JAZF1: variants seen among roughly 807,000 people sequenced by gnomAD.
JAZF1 encodes the protein JAZF zinc finger 1.
JAZF1 carries 8 observed loss-of-function variants against 26.4 expected under a neutral mutation model. That is an observed-to-expected ratio of 0.30 (90% confidence interval 0.18 to 0.55). The LOEUF is 0.55. Among genes scored for constraint, JAZF1 ranks in the 20% least tolerant of loss-of-function variants. JAZF1 has a pLI of 0.94. For synonymous variants in JAZF1, 126 were observed against 122.3 expected, an observed-to-expected ratio of 1.03 and a Z score of -0.20; for missense variants, 199 against 322.0, an observed-to-expected ratio of 0.62 and a Z score of 2.92.
At chr7:28,118,814 T>G (rs1201819074) in intron 1 of JAZF1, among the ~76,000 whole-genome samples, 47 of 151,404 alleles carry the variant, frequency 3.1e-4, no homozygotes, top group Non-Finnish European at 1.2e-4. Flanking sequence ...CACAGAGTCA[T>G]GAGCAGCATA....
intron 1 of JAZF1, among the ~76,000 whole-genome samples, chr7:27,996,922 A>G (rs1176866273): frequency 2.0e-5 from 3 of 152,216 alleles, no homozygotes; most frequent in African/African-American, 7.2e-5. Context: ...GCTTTTGCTT[A>G]CAGGTAGCAG....
intron 1 of JAZF1, among the ~76,000 whole-genome samples, chr7:28,022,882 G>C (rs1378833423): frequency 2.0e-5 from 3 of 152,096 alleles, no homozygotes; most frequent in African/African-American, 7.2e-5. Flanking sequence ...TCAGCCTCCC[G>C]AGTAGCTGGG....
chr7:28,048,602 G>A (rs1783536043), intron 1 of JAZF1, among the ~76,000 whole-genome samples: 1 of 152,112 alleles, frequency 6.6e-6, no homozygotes, highest in Non-Finnish European at 1.5e-5. Context: ...CCTATATGAA[G>A]TACTCTCATT....
chr7:28,142,524 T>C (rs1030437736), intron 1 of JAZF1, among the ~76,000 whole-genome samples: 2 of 152,188 alleles, frequency 1.3e-5, no homozygotes, highest in South Asian at 2.1e-4. Flanking sequence ...GGTGACTCCA[T>C]GAGTACTTCC....
chr7:28,166,470 G>A (rs551359517), intron 1 of JAZF1, among the ~76,000 whole-genome samples: 156 of 152,162 alleles, frequency 1.0e-3, no homozygotes, highest in Middle Eastern at 6.8e-3. Flanking sequence ...TCATGTTCTC[G>A]GATTTCTTCA....
intron 2 of JAZF1, among the ~76,000 whole-genome samples, chr7:27,940,036 G>A (rs1280562485): frequency 6.6e-6 from 1 of 152,122 alleles, no homozygotes; most frequent in African/African-American, 2.4e-5. Flanking sequence ...TGTTGGCCAG[G>A]AGCCCCGGCA....
At chr7:27,850,915 AAAT>A (rs1783134972) in intron 3 of JAZF1, among the ~76,000 whole-genome samples, 1 of 152,132 alleles carries the variant, frequency 6.6e-6, no homozygotes, top group Non-Finnish European at 1.5e-5. Context: ...AGATAGTATT[AAAT>A]AATAATACAT....
At chr7:28,097,710 T>G (rs994816819) in intron 1 of JAZF1, among the ~76,000 whole-genome samples, 2 of 152,102 alleles carry the variant, frequency 1.3e-5, no homozygotes, top group Non-Finnish European at 2.9e-5. Context: ...TTCAGGTAGC[T>G]GAATGAAGGG....
chr7:27,968,138 A>T (rs1785311249), intron 2 of JAZF1, among the ~76,000 whole-genome samples: 1 of 152,258 alleles, frequency 6.6e-6, no homozygotes, highest in Admixed American at 6.5e-5. Context: ...TAACACATGC[A>T]GTAATATGGA....
At chr7:27,838,440 T>C (rs1782858869) in intron 4 of JAZF1, among the ~76,000 whole-genome samples, 1 of 151,988 alleles carries the variant, frequency 6.6e-6, no homozygotes, top group Admixed American at 6.5e-5. Flanking sequence ...TAAATGCCAA[T>C]GAAATGGTGA....
intron 1 of JAZF1, among the ~76,000 whole-genome samples, chr7:28,096,271 G>A (rs1258168081): frequency 6.6e-6 from 1 of 152,230 alleles, no homozygotes; most frequent in Non-Finnish European, 1.5e-5. Context: ...GTTCTGTGGT[G>A]AGGAAAAAAC....
At chr7:28,039,957 T>C (rs555840918) in intron 1 of JAZF1, among the ~76,000 whole-genome samples, 1 of 152,224 alleles carries the variant, frequency 6.6e-6, no homozygotes, top group Non-Finnish European at 1.5e-5. Flanking sequence ...TTTAATTTTC[T>C]CTGGCATTTT....
chr7:27,991,113 C>T lies in JAZF1; in HGVS notation c.188+796G>A, dbSNP rs138801889. ...CCAGCTTTCCACTTCAGACCCTGAA[C>T]CTCAACTCTGGTACCAAGAGACTAA... On this transcript the variant is annotated intron_variant, in intron 2 of 4. Coordinates refer to ENST00000283928, the MANE Select transcript of JAZF1 (RefSeq NM_175061.4). Among the ~76,000 whole-genome samples, 316 of 152,324 alleles carry T rather than the reference C, an allele frequency of 2.1e-3. 2 individuals are homozygous for T. Among genetic ancestry groups the T allele is most frequent in the African/African-American group, 6.9e-3 (288 of 41,582 alleles).
At position 27,839,417 on chromosome 7, in the gene JAZF1, C is replaced by T. The variant is rs533798171; in HGVS notation, c.555+1281G>A. 2.8e-3 allele frequency among the ~76,000 whole-genome samples: 423 copies of T among 152,328 alleles called. 1 individual carries two copies. The highest frequency in any genetic ancestry group is 9.8e-3 in the African/African-American group (409 of 41,566). On this transcript the variant is annotated intron_variant, in intron 4 of 4. Transcript: ENST00000283928. The stretch of plus-strand genomic sequence containing the variant: ...GAAAAAGTCTCTTTCTGCAATGAAG[C>T]GCTGCCCTCTGGAAAAATGGGCTTG...
intron 1 of JAZF1, among the ~76,000 whole-genome samples, chr7:28,153,010 G>A (rs1783133054): frequency 6.6e-6 from 1 of 152,144 alleles, no homozygotes; most frequent in African/African-American, 2.4e-5. Flanking sequence ...TTTCTAGGGA[G>A]AATTTTTAAA....
chr7:27,890,871 C>T lies in JAZF1; in HGVS notation c.385+4349G>A, dbSNP rs940691449. 2.0e-5 allele frequency among the ~76,000 whole-genome samples: 3 copies of T among 150,936 alleles called. No individual in the cohort carries two copies. In the South Asian group the frequency reaches 6.3e-4, roughly 32 times the overall value. ...GTGGTGCAATCTCGGCTCACCGCAA[C>T]CTCCACCTCCCAGGTTCAAGCAATT... On this transcript the variant is annotated intron_variant, in intron 3 of 4. Coordinates refer to ENST00000283928, the MANE Select transcript of JAZF1 (RefSeq NM_175061.4).
intron 2 of JAZF1, among the ~76,000 whole-genome samples, chr7:27,900,974 CTT>C (rs35553979): frequency 0.016 from 2,335 of 143,398 alleles, 55 homozygotes; most frequent in African/African-American, 0.055. Context: ...TGTGTAAAAA[CTT>C]TTTTTTTTTT....
chr7:28,101,786 G>A (rs1392305739), intron 1 of JAZF1, among the ~76,000 whole-genome samples: 1 of 151,926 alleles, frequency 6.6e-6, no homozygotes, highest in Admixed American at 6.6e-5. Flanking sequence ...TTAAGTGTGC[G>A]CTTGGTGTAC....
intron 1 of JAZF1, among the ~76,000 whole-genome samples, chr7:28,019,399 C>T (rs908685878): frequency 2.0e-5 from 3 of 152,126 alleles, no homozygotes; most frequent in African/African-American, 7.2e-5. Context: ...TCTCATATTC[C>T]ACCTTAGAAT....
Sources: gnomAD v4.1 joint callset for allele counts (sites outside exome capture counted in the v4.1 genomes callset) on GRCh38, gnomAD v4.1.1 for gene constraint, MANE v1.5 for transcripts, NCBI Gene and HGNC (gene_info 2026-07-23, HGNC 2026-07-21) for gene names.